BAZ2B: variants seen among roughly 807,000 people sequenced by gnomAD.
BAZ2B encodes the protein bromodomain adjacent to zinc finger domain protein 2B.
BAZ2B carries 91 observed loss-of-function variants against 246.0 expected under a neutral mutation model. The ratio of observed to expected loss-of-function variants is 0.37; its 90% CI spans 0.31 to 0.44. BAZ2B has a LOEUF of 0.44. BAZ2B is among the 20% of genes least tolerant of loss of function. The pLI, the probability that BAZ2B is intolerant of heterozygous loss-of-function variation, is 1.00. For missense variants in BAZ2B, 2,332 were observed against 2,533.7 expected, an observed-to-expected ratio of 0.92 and a Z score of 1.71; for synonymous variants, 855 against 860.0, an observed-to-expected ratio of 0.99 and a Z score of 0.10.
chr2:159,451,218 C>A (rs2075049474), intron 4 of BAZ2B, among the ~76,000 whole-genome samples: 1 of 152,002 alleles, frequency 6.6e-6, no homozygotes, highest in Non-Finnish European at 1.5e-5. Flanking sequence ...TTTAAATTAT[C>A]ATGAAATACT....
the BAZ2B span, among the ~76,000 whole-genome samples, chr2:159,701,344 A>G: frequency 6.6e-6 from 1 of 151,988 alleles, no homozygotes; most frequent in Admixed American, 6.6e-5. Flanking sequence ...TCTTCTCATT[A>G]ATTTCTGTAA....
the BAZ2B span, among the ~76,000 whole-genome samples, chr2:159,637,100 C>T: frequency 1.3e-5 from 2 of 152,132 alleles, no homozygotes; most frequent in Non-Finnish European, 2.9e-5. Flanking sequence ...TCAGGTGGGA[C>T]CCAGCACAAT....
intron 27 of BAZ2B, among the ~76,000 whole-genome samples, chr2:159,362,604 C>G (rs1199665577): frequency 6.6e-6 from 1 of 152,150 alleles, no homozygotes; most frequent in East Asian, 1.9e-4. Flanking sequence ...CCATCTTGTA[C>G]TACAGTTGGT....
chr2:159,365,717 T>C lies in BAZ2B; in HGVS notation c.4213+7328A>G, dbSNP rs145375739. The stretch of plus-strand genomic sequence containing the variant: ...CATATAGTATACTCTATCCACAGAG[T>C]TTCTCTGGTGAGAAAGTGCAACTCC... On this transcript the variant is annotated intron_variant, in intron 27 of 36. Coordinates refer to ENST00000392783, the MANE Select transcript of BAZ2B (RefSeq NM_013450.4). Among the ~76,000 whole-genome samples the C allele has an allele frequency of 1.3e-3, 201 of 152,218 alleles. 1 individual carries two copies. Among genetic ancestry groups the C allele is most frequent in the East Asian group, 9.5e-3 (49 of 5,176 alleles).
In BAZ2B at chr2:159,349,284, CA is replaced by C. The variant is rs746382345; in HGVS notation, c.4864-5del. The C allele has an allele frequency of 5.1e-6, 8 of 1,569,390 alleles. No individual in the cohort carries two copies. Among genetic ancestry groups the C allele is most frequent in the Non-Finnish European group, 6.9e-6 (8 of 1,157,308 alleles). ...TCATAGATACTCCACCTTTCACCTG[CA>C]AAAAGAAAACATTTATTAATGAAAA... is the stretch of plus-strand genomic sequence containing the variant. On this transcript the variant is annotated splice_region_variant and splice_polypyrimidine_tract_variant and intron_variant, in intron 28 of 36. Coordinates refer to ENST00000392783, the MANE Select transcript of BAZ2B (RefSeq NM_013450.4).
In BAZ2B at chr2:159,483,867, C is replaced by T. The variant is rs2150970252; in HGVS notation, c.-2-5146G>A. ...TTAACTAGTTAAAAGACGACTATAA[C>T]CACAAATTAACGCAAAACACTATAG... is the stretch of plus-strand genomic sequence containing the variant. On this transcript the variant is annotated intron_variant, in intron 2 of 36. Transcript: ENST00000392783. Among the ~76,000 whole-genome samples, 2 of 151,694 alleles carry T rather than the reference C, an allele frequency of 1.3e-5. 1 individual carries two copies. The highest frequency in any genetic ancestry group is 4.2e-4 in the South Asian group (2 of 4,780).
At chr2:159,485,037 G>T (rs1040320687) in intron 2 of BAZ2B, among the ~76,000 whole-genome samples, 1 of 152,094 alleles carries the variant, frequency 6.6e-6, no homozygotes, top group Non-Finnish European at 1.5e-5. Context: ...AGAGAAATAT[G>T]ATAATTAGGA....
At chr2:159,441,789 T>C (rs1273612679) in intron 6 of BAZ2B, among the ~76,000 whole-genome samples, 1 of 152,208 alleles carries the variant, frequency 6.6e-6, no homozygotes, top group Non-Finnish European at 1.5e-5. Flanking sequence ...GTTGGGACTA[T>C]AAGCTAAAAC....
intron 36 of BAZ2B, 30 bp downstream of exon 36, chr2:159,324,781 A>G (rs955922034): frequency 1.3e-5 from 18 of 1,425,212 alleles, no homozygotes; most frequent in Non-Finnish European, 1.5e-5. Flanking sequence ...TATTCAATAA[A>G]TATTTAGTGA....
chr2:159,467,727 A>G (rs1008946647), intron 3 of BAZ2B, among the ~76,000 whole-genome samples: 5 of 151,736 alleles, frequency 3.3e-5, no homozygotes, highest in African/African-American at 1.2e-4. Context: ...AATCCTCCAC[A>G]GAGAATAATT....
At chr2:159,408,564 A>T in intron 14 of BAZ2B, among the ~76,000 whole-genome samples, 1 of 152,330 alleles carries the variant, frequency 6.6e-6, no homozygotes. Flanking sequence ...TTAACTAATC[A>T]TTAAAAATTT....
chr2:159,513,065 A>G (rs1486001340), intron 2 of BAZ2B, among the ~76,000 whole-genome samples: 14 of 152,152 alleles, frequency 9.2e-5, no homozygotes, highest in African/African-American at 3.4e-4. Flanking sequence ...ACCTTAGGGA[A>G]TATTAATCTC....
intron 2 of BAZ2B, among the ~76,000 whole-genome samples, chr2:159,554,419 T>C (rs1276358888): frequency 6.6e-6 from 1 of 151,944 alleles, no homozygotes. Flanking sequence ...AAGTTCTAAT[T>C]AAGAAAAAAT....
chr2:159,346,190 G>C (rs980102014), intron 31 of BAZ2B, among the ~76,000 whole-genome samples: 6 of 152,098 alleles, frequency 3.9e-5, no homozygotes, highest in African/African-American at 1.4e-4. Flanking sequence ...CCCAACGTTG[G>C]TAATTACGTT....
At chr2:159,431,648 A>G (rs1250630084) in intron 9 of BAZ2B, among the ~76,000 whole-genome samples, 1 of 152,208 alleles carries the variant, frequency 6.6e-6, no homozygotes, top group Middle Eastern at 3.2e-3. Flanking sequence ...CTATTTACAT[A>G]CAAGACTTCA....
chr2:159,459,836 T>C (rs2076197680), intron 3 of BAZ2B: 1 of 152,110 alleles, frequency 6.6e-6, no homozygotes, highest in African/African-American at 2.4e-5. Context: ...TCAACAGATG[T>C]ATTGCTCACA....
At chr2:159,698,294 G>C in the BAZ2B span, among the ~76,000 whole-genome samples, 1 of 151,912 alleles carries the variant, frequency 6.6e-6, no homozygotes, top group Non-Finnish European at 1.5e-5. Context: ...TGCTGAGGTG[G>C]GAGGATTGCT....
chr2:159,430,865 GAGT>G lies in BAZ2B; in HGVS notation c.2189_2191del (p.His730_Ser731delinsPro). 6.2e-7 allele frequency: 1 copy of G among 1,612,928 alleles called. No homozygotes were observed. The highest frequency in any genetic ancestry group is 8.5e-7 in the Non-Finnish European group (1 of 1,179,422). On this transcript the variant is annotated inframe_deletion, in exon 10 of 37. Transcript: ENST00000392783. ...TAATAAAAATAAAGTGTAGGTACCAGAGTGTGGGCTTGAAGTAAGTGTGGAAGA... is the reference window on the plus strand; with the variant it reads ...TAATAAAAATAAAGTGTAGGTACCAGGTGGGCTTGAAGTAAGTGTGGAAGA...
intron 2 of BAZ2B, among the ~76,000 whole-genome samples, chr2:159,509,876 T>C (rs901454599): frequency 1.3e-5 from 2 of 152,116 alleles, no homozygotes; most frequent in East Asian, 3.9e-4. Context: ...AGCAACTGTG[T>C]ATATATGTAC....
Sources: gnomAD v4.1 joint callset for allele counts (sites outside exome capture counted in the v4.1 genomes callset) on GRCh38, gnomAD v4.1.1 for gene constraint, MANE v1.5 for transcripts, NCBI Gene and HGNC (gene_info 2026-07-23, HGNC 2026-07-21) for gene names.